Variants in GALNT18 observed in about 807,000 individuals in gnomAD.
GALNT18 encodes GalNAc-transferase 18.
In GALNT18, 44 loss-of-function variants were observed where a neutral mutation model predicts 69.5. That is an observed-to-expected ratio of 0.63 (90% confidence interval 0.50 to 0.81). GALNT18 has a LOEUF of 0.81. GALNT18 is among the 40% of genes least tolerant of loss of function. The pLI is 0.00. For synonymous variants in GALNT18, 364 were observed against 318.2 expected (o/e 1.14, Z -1.53); for missense variants, 715 against 810.0 (o/e 0.88, Z 1.42).
intron 3 of GALNT18, among the ~76,000 whole-genome samples, chr11:11,409,688 T>G (rs541956678): frequency 3.9e-5 from 6 of 152,102 alleles, no homozygotes; most frequent in African/African-American, 1.4e-4. Context: ...ACAGTCATTG[T>G]GCCCTGCATT....
intron 6 of GALNT18, among the ~76,000 whole-genome samples, chr11:11,348,950 A>G (rs1307409113): frequency 6.6e-6 from 1 of 152,302 alleles, no homozygotes; most frequent in Admixed American, 6.5e-5. Context: ...CCCCTTAAGA[A>G]GCAATGCTTT....
chr11:11,439,170 G>A lies in GALNT18; in HGVS notation c.429-6383C>T, dbSNP rs978349102. On this transcript the variant is annotated intron_variant, in intron 2 of 10. Coordinates refer to ENST00000227756, the MANE Select transcript of GALNT18 (RefSeq NM_198516.3). This position sits in a 1 kb window ranked among gnomAD's most constrained non-coding sequence, Gnocchi z 4.4. The stretch of plus-strand genomic sequence containing the variant: ...CTAAGAAGATGATAAGTGAGGCGCA[G>A]GGGAGCAGAAATGATGAATAGGAAG... Among the ~76,000 whole-genome samples the A allele has an allele frequency of 2.0e-5, 3 of 152,220 alleles. No individual in the cohort carries two copies. Among genetic ancestry groups the A allele is most frequent in the Non-Finnish European group, 2.9e-5 (2 of 68,046 alleles).
chr11:11,323,786 C>A (rs1849874229), intron 9 of GALNT18, among the ~76,000 whole-genome samples: 1 of 152,206 alleles, frequency 6.6e-6, no homozygotes, highest in East Asian at 1.9e-4. Flanking sequence ...AGTCTCTCTA[C>A]AGGTGTAATT....
intron 10 of GALNT18, among the ~76,000 whole-genome samples, chr11:11,284,543 G>A (rs77800902): frequency 0.016 from 2,419 of 152,292 alleles, 60 homozygotes; most frequent in African/African-American, 0.055. Context: ...TGGAACGTCT[G>A]GAGTATTTGT....
chr11:11,552,182 G>T (rs1380364064), intron 1 of GALNT18, among the ~76,000 whole-genome samples: 1 of 152,242 alleles, frequency 6.6e-6, no homozygotes, highest in African/African-American at 2.4e-5. Context: ...CTCTGGAAAT[G>T]CAGGTCTTCA....
chr11:11,571,183 G>A (rs1858785754), intron 1 of GALNT18, among the ~76,000 whole-genome samples: 1 of 152,188 alleles, frequency 6.6e-6, no homozygotes, highest in African/African-American at 2.4e-5. Flanking sequence ...TAACTTAGCA[G>A]TTTATCCAAC....
chr11:11,571,974 C>G (rs989014779), intron 1 of GALNT18, among the ~76,000 whole-genome samples: 1 of 152,226 alleles, frequency 6.6e-6, no homozygotes, highest in East Asian at 1.9e-4. Context: ...CCCACACTAA[C>G]TGGGCATAGG....
chr11:11,424,343 A>G (rs1045913587), intron 3 of GALNT18, among the ~76,000 whole-genome samples: 1 of 152,086 alleles, frequency 6.6e-6, no homozygotes, highest in Non-Finnish European at 1.5e-5. Flanking sequence ...GGGAGAGTAG[A>G]GGAGATACAA....
intron 9 of GALNT18, among the ~76,000 whole-genome samples, chr11:11,325,985 T>C (rs1849910420): frequency 1.3e-5 from 2 of 152,192 alleles, no homozygotes. Flanking sequence ...AATAGCTCTT[T>C]TAAACCCTCT....
intron 9 of GALNT18, among the ~76,000 whole-genome samples, chr11:11,319,108 G>C (rs1849801110): frequency 6.6e-6 from 1 of 151,924 alleles, no homozygotes; most frequent in Admixed American, 6.6e-5. Context: ...GTCTTACTTA[G>C]AAAATGCCTA....
chr11:11,312,234 C>T (rs1460510322), intron 9 of GALNT18, among the ~76,000 whole-genome samples: 3 of 152,148 alleles, frequency 2.0e-5, no homozygotes, highest in East Asian at 1.9e-4. Context: ...CAGTCGTGAG[C>T]CACCACGCCC....
At chr11:11,385,417 T>C (rs1234657181) in intron 3 of GALNT18, among the ~76,000 whole-genome samples, 5 of 151,836 alleles carry the variant, frequency 3.3e-5, no homozygotes, top group African/African-American at 4.8e-5. Context: ...TGCCTCAGCC[T>C]CCCCAGCAGC....
At chr11:11,362,174 A>T (rs1014515438) in intron 6 of GALNT18, among the ~76,000 whole-genome samples, 3 of 152,220 alleles carry the variant, frequency 2.0e-5, no homozygotes, top group African/African-American at 7.2e-5. Context: ...CTGCAGGATC[A>T]ATTCTGAATG....
intron 5 of GALNT18, among the ~76,000 whole-genome samples, chr11:11,375,578 C>T (rs1167107807): frequency 6.6e-6 from 1 of 152,246 alleles, no homozygotes. Context: ...AAACTAGCCA[C>T]TGAGTCTAGC....
intron 1 of GALNT18, among the ~76,000 whole-genome samples, chr11:11,574,075 T>C (rs7934625): frequency 0.26 from 40,086 of 152,004 alleles, 6,995 homozygotes; most frequent in African/African-American, 0.49. Context: ...GAGGACAATC[T>C]AGGCAAGTCA....
rs188412894 is a variant in GALNT18 at position 11,346,664 on chromosome 11, C to T, written c.1093-5660G>A. On this transcript the variant is annotated intron_variant, in intron 6 of 10. Transcript: ENST00000227756. ...CAACCTCACAAAATGCTCAGATATG[C>T]CTACAGAGGAGCTGCTGGGACCACC... Among the ~76,000 whole-genome samples the T allele has an allele frequency of 1.2e-3, 184 of 152,276 alleles. 2 individuals carry two copies. The highest frequency in any genetic ancestry group is 6.8e-3 in the Middle Eastern group (2 of 294).
intron 1 of GALNT18, among the ~76,000 whole-genome samples, chr11:11,491,215 A>T (rs1341652042): frequency 2.0e-5 from 3 of 152,226 alleles, no homozygotes; most frequent in African/African-American, 7.2e-5. Context: ...ACTCTCTGCC[A>T]TTCCAGGAGC....
chr11:11,447,148 C>T (rs1052550822), intron 2 of GALNT18, among the ~76,000 whole-genome samples: 2 of 152,214 alleles, frequency 1.3e-5, no homozygotes, highest in African/African-American at 2.4e-5. Context: ...TCAAACATGA[C>T]GTGCCATGCG....
At chr11:11,288,518 C>G (rs1373709472) in intron 10 of GALNT18, among the ~76,000 whole-genome samples, 1 of 152,194 alleles carries the variant, frequency 6.6e-6, no homozygotes, top group Non-Finnish European at 1.5e-5. Context: ...ATTGTGTTTA[C>G]ATGCCCATGA....
Sources: allele counts gnomAD v4.1 joint callset (sites outside exome capture counted in the v4.1 genomes callset), GRCh38; gene constraint gnomAD v4.1.1; non-coding constraint Gnocchi (gnomAD v3.1); transcripts MANE v1.5; gene names NCBI Gene and HGNC (gene_info 2026-07-23, HGNC 2026-07-21).